The following SLC41A3 variants were observed in gnomAD, a reference collection of about 807,000 sequenced individuals.
SLC41A3 encodes the protein SLC41A1-like 2.
In SLC41A3, 44 loss-of-function variants were observed where a neutral mutation model predicts 45.4. That is an observed-to-expected ratio of 0.97 (90% CI 0.76 to 1.25). The LOEUF is 1.25. Among genes scored for constraint, SLC41A3 ranks in the 50% most tolerant of loss-of-function variants. The pLI, the probability that SLC41A3 is intolerant of heterozygous loss-of-function variation, is 0.00. For missense variants in SLC41A3, 550 were observed against 600.6 expected, an observed-to-expected ratio of 0.92 and a Z score of 0.88; for synonymous variants, 256 against 252.4, an observed-to-expected ratio of 1.01 and a Z score of -0.13.
chr3:126,098,298 C>T lies in SLC41A3; in HGVS notation c.-79+3131G>A, dbSNP rs535237196. The stretch of plus-strand genomic sequence containing the variant: ...GATGGGAAAGAGATAGGGGAGACCT[C>T]CCTCTGCACAAGTACACCAGCAAGA... On this transcript the variant is annotated intron_variant, in intron 1 of 9. Coordinates refer to the SLC41A3 transcript ENST00000508835. Among the ~76,000 whole-genome samples, 9 of 152,250 alleles carry T rather than the reference C, an allele frequency of 5.9e-5. No individual in the cohort carries two copies. The East Asian group carries it at 1.5e-3, about 26-fold the overall frequency.
chr3:126,021,612 C>G (rs545916999), intron 6 of SLC41A3, among the ~76,000 whole-genome samples: 1 of 152,194 alleles, frequency 6.6e-6, no homozygotes, highest in Admixed American at 6.5e-5. Context: ...TTCCTCCCTT[C>G]TCCTGCTCAT....
intron 1 of SLC41A3, among the ~76,000 whole-genome samples, chr3:126,077,956 T>A (rs188321623): frequency 5.2e-4 from 79 of 152,192 alleles, no homozygotes; most frequent in African/African-American, 1.9e-3. Flanking sequence ...GTGCCCCTCA[T>A]CCAGCCCAGA....
chr3:126,083,839 CCCGCCCCAGG>C (rs1360444384), intron 1 of SLC41A3: 1 of 151,274 alleles, frequency 6.6e-6, no homozygotes, highest in African/African-American at 2.4e-5. Context: ...ATGGCCCCAC[CCCGCCCCAGG>C]CCGCCCCTCC....
At chr3:126,042,375 C>G (rs1361949596) in intron 3 of SLC41A3, among the ~76,000 whole-genome samples, 5 of 151,946 alleles carry the variant, frequency 3.3e-5, no homozygotes, top group Admixed American at 2.0e-4. Flanking sequence ...TGCCAGAAAA[C>G]CCCCGAAAAG....
At position 126,039,976 on chromosome 3, in the gene SLC41A3, T is replaced by C. The variant is rs145394679; in HGVS notation, c.382-6298A>G. Among the ~76,000 whole-genome samples the C allele has an allele frequency of 7.1e-4, 107 of 151,144 alleles. No individual in the cohort carries two copies. The East Asian group carries it at 0.019, about 27-fold the overall frequency. On this transcript the variant is annotated intron_variant, in intron 3 of 10. Transcript: ENST00000360370. The stretch of plus-strand genomic sequence containing the variant: ...TTGTTTGCTAAATTCAGTTCTTCAA[T>C]AAAAGGAGCCAGCTTCCTTAGGAAA...
In SLC41A3 at chr3:126,068,283, C is replaced by T. The variant is rs6438966; in HGVS notation, c.-27-37G>A. 517,021 of 1,454,970 alleles carry T rather than the reference C, an allele frequency of 0.36. 94,319 individuals carry two copies. The highest frequency in any genetic ancestry group is 0.42 in the Middle Eastern group (1,617 of 3,836). The allele number at this position is 1,454,970 out of a possible 1,614,324, so 90.1% of individuals were successfully genotyped here. On this transcript the variant is annotated intron_variant, in intron 1 of 10. Coordinates refer to ENST00000360370, the MANE Select transcript of SLC41A3 (RefSeq NM_017836.4). Reference sequence around the variant, plus strand: ...GACACAAAGTTGTAGGGCCAAGTTCCTGATTCCCATGGCGCTAACACCCAA... The same window carrying T: ...GACACAAAGTTGTAGGGCCAAGTTCTTGATTCCCATGGCGCTAACACCCAA...
intron 4 of SLC41A3, among the ~76,000 whole-genome samples, chr3:126,027,444 G>T (rs1017142365): frequency 3.9e-5 from 6 of 152,114 alleles, no homozygotes; most frequent in African/African-American, 1.4e-4. Flanking sequence ...CTAAGCAGAT[G>T]CCAGCATCAT....
At chr3:126,072,927 C>T (rs539714685) in intron 1 of SLC41A3, among the ~76,000 whole-genome samples, 7 of 152,290 alleles carry the variant, frequency 4.6e-5, no homozygotes, top group African/African-American at 1.7e-4. Context: ...CCATGGAACA[C>T]TATGCAGCCA....
chr3:126,068,531 T>TA (rs1196982224), intron 1 of SLC41A3, among the ~76,000 whole-genome samples: 2 of 151,956 alleles, frequency 1.3e-5, no homozygotes, highest in African/African-American at 2.4e-5. Flanking sequence ...AAAAGCAATT[T>TA]AAAAAAAACC....
chr3:126,039,094 A>C (rs1942406934), intron 3 of SLC41A3, among the ~76,000 whole-genome samples: 1 of 152,200 alleles, frequency 6.6e-6, no homozygotes, highest in Admixed American at 6.5e-5. Flanking sequence ...CCAGAAGCAG[A>C]TGCTGGCACC....
intron 1 of SLC41A3, among the ~76,000 whole-genome samples, chr3:126,090,502 A>C (rs1945469782): frequency 6.6e-6 from 1 of 152,234 alleles, no homozygotes; most frequent in Admixed American, 6.5e-5. Flanking sequence ...CTTGGCTACA[A>C]TAATCCTATA....
intron 2 of SLC41A3, chr3:126,067,726 A>G (rs1944422048): frequency 1.6e-6 from 1 of 607,426 alleles, no homozygotes; most frequent in Non-Finnish European, 2.8e-6. Context: ...GTCTACATCA[A>G]TCATATGGGC....
rs545550031 is a variant in SLC41A3, at chr3:126,027,930, GA to G, written c.454-1452del. On this transcript the variant is annotated intron_variant, in intron 4 of 10. Transcript: ENST00000360370. ...TGATGATTTAGGGTATCTGGTGAAA[GA>G]AATTTTTAAGCAGCAAAACATTCAA... 3.3e-5 allele frequency among the ~76,000 whole-genome samples: 5 copies of G among 152,194 alleles called. No homozygotes were observed. In the South Asian group the frequency reaches 1.0e-3, roughly 32 times the overall value.
rs764779954 is a variant in SLC41A3, at chr3:126,035,458, G to A, written c.382-1780C>T. ...GGGTTTGGGTGGAGGAACACAGACC[G>A]CTACCTAAGAGAAACAATCCTGACG... On this transcript the variant is annotated intron_variant, in intron 3 of 10. Coordinates refer to ENST00000360370, the MANE Select transcript of SLC41A3 (RefSeq NM_017836.4). Among the ~76,000 whole-genome samples the A allele has an allele frequency of 3.8e-4, 58 of 152,308 alleles. 2 individuals carry two copies. The highest frequency in any genetic ancestry group is 3.4e-3 in the Middle Eastern group (1 of 294).
chr3:126,018,326 CAAAT>C (rs1459219679), intron 6 of SLC41A3, among the ~76,000 whole-genome samples: 2 of 152,232 alleles, frequency 1.3e-5, no homozygotes, highest in Non-Finnish European at 2.9e-5. Flanking sequence ...AAATCCAACT[CAAAT>C]AACCCATATA....
Position 126,007,070 on chromosome 3 carries a change from C to T in SLC41A3, c.1410G>A (p.Leu470=). The T allele has an allele frequency of 6.2e-7, 1 of 1,614,200 alleles. No homozygotes were observed. Among genetic ancestry groups the T allele is most frequent in the Non-Finnish European group, 8.5e-7 (1 of 1,180,044 alleles). ...TGCCACCCAGCTCTGCCTTGCTCTTCAGTAGCCAGTCAGTGAAAAAGCAGA... is the reference window on the plus strand; with the variant it reads ...TGCCACCCAGCTCTGCCTTGCTCTTTAGTAGCCAGTCAGTGAAAAAGCAGA... The part of the protein sequence containing the change: ...LALCFFTDWL[L]KSKAELGGIS... Residue 470 remains leucine, a synonymous_variant, in exon 11 of 11, where the codon CTG becomes CTA. Coordinates refer to ENST00000360370, the MANE Select transcript of SLC41A3 (RefSeq NM_017836.4).
chr3:126,093,503 A>G (rs1945534032), intron 1 of SLC41A3, among the ~76,000 whole-genome samples: 1 of 152,220 alleles, frequency 6.6e-6, no homozygotes, highest in Non-Finnish European at 1.5e-5. Flanking sequence ...AAAAGCTGTG[A>G]GCCTTCTGCC....
At position 126,006,986 on chromosome 3, in the gene SLC41A3, T is replaced by C. The variant is rs780554815; in HGVS notation, c.*30A>G. 3.2e-5 allele frequency: 51 copies of C among 1,613,748 alleles called. No individual in the cohort carries two copies. Among genetic ancestry groups the C allele is most frequent in the Non-Finnish European group, 4.1e-5 (48 of 1,179,720 alleles). ...ATCCCACTGATGTGAGAGGAAATTC[T>C]AATGAGCAAATGGGACCAGCGGGGC... On this transcript the variant is annotated 3_prime_UTR_variant, in exon 11 of 11. Coordinates refer to ENST00000360370, the MANE Select transcript of SLC41A3 (RefSeq NM_017836.4).
At chr3:126,017,131 C>T (rs945918943) in intron 6 of SLC41A3, among the ~76,000 whole-genome samples, 1 of 152,200 alleles carries the variant, frequency 6.6e-6, no homozygotes, top group Non-Finnish European at 1.5e-5. Context: ...TATAAAGTAC[C>T]CTGTTCTGCC....
Sources: gnomAD v4.1 joint callset for allele counts (sites outside exome capture counted in the v4.1 genomes callset) on GRCh38, gnomAD v4.1.1 for gene constraint, MANE v1.5 for transcripts, NCBI Gene and HGNC (gene_info 2026-07-23, HGNC 2026-07-21) for gene names.